The following TENM3 variants were observed in gnomAD, a reference collection of about 807,000 sequenced individuals.
The protein encoded by TENM3 is teneurin transmembrane protein 3, also known as teneurin-3.
A neutral mutation model predicts 255.1 loss-of-function variants in TENM3; 63 were observed. That is an observed-to-expected ratio of 0.25 (90% CI 0.20 to 0.30). The LOEUF (loss-of-function observed/expected upper bound fraction) is 0.30. Ranked by LOEUF, TENM3 falls within the 10% of genes least tolerant of loss-of-function variation. The pLI is 1.00. For synonymous variants in TENM3, 1,306 were observed against 1,322.3 expected, an observed-to-expected ratio of 0.99 and a Z score of 0.27; for missense variants, 2,929 against 3,461.1, an observed-to-expected ratio of 0.85 and a Z score of 3.86.
intron 5 of TENM3, among the ~76,000 whole-genome samples, chr4:182,644,347 A>G (rs1405862785): frequency 6.6e-6 from 1 of 152,160 alleles, no homozygotes; most frequent in Admixed American, 6.5e-5. Context: ...TTTTCTCTCA[A>G]CATGGAGCTA....
the TENM3 span, among the ~76,000 whole-genome samples, chr4:181,608,966 C>A: frequency 1.3e-5 from 2 of 152,202 alleles, no homozygotes; most frequent in African/African-American, 2.4e-5. Context: ...GAAAATCACA[C>A]AAGCAACTCG....
At chr4:182,565,456 A>G (rs17258176) in intron 3 of TENM3, among the ~76,000 whole-genome samples, 14,898 of 152,242 alleles carry the variant, frequency 0.098, 937 homozygotes, top group Non-Finnish European at 0.14. Flanking sequence ...AGCTATCTCA[A>G]GTCCTCCCGA....
At chr4:182,378,179 T>A (rs1767309378) in intron 3 of TENM3, among the ~76,000 whole-genome samples, 1 of 152,218 alleles carries the variant, frequency 6.6e-6, no homozygotes, top group African/African-American at 2.4e-5. Flanking sequence ...GTAAGTGTGA[T>A]TCCTATTTTA....
At chr4:182,619,609 A>C (rs139044651) in intron 4 of TENM3, among the ~76,000 whole-genome samples, 47 of 152,112 alleles carry the variant, frequency 3.1e-4, no homozygotes, top group Non-Finnish European at 5.9e-4. Context: ...TAGCATTACA[A>C]GTTAATGACG....
the TENM3 span, among the ~76,000 whole-genome samples, chr4:181,688,307 C>A: frequency 6.6e-6 from 1 of 151,840 alleles, no homozygotes; most frequent in East Asian, 1.9e-4. Flanking sequence ...AAGTCTAAGC[C>A]CTTTTTTTGA....
At chr4:181,824,829 G>A in the TENM3 span, among the ~76,000 whole-genome samples, 1 of 152,290 alleles carries the variant, frequency 6.6e-6, no homozygotes, top group African/African-American at 2.4e-5. Flanking sequence ...TCCTAGCCAT[G>A]TCCTGGTGGA....
the TENM3 span, among the ~76,000 whole-genome samples, chr4:181,477,606 G>A: frequency 6.6e-6 from 1 of 152,106 alleles, no homozygotes; most frequent in East Asian, 1.9e-4. Flanking sequence ...TGACCTGACT[G>A]TTGCTTTCAG....
At chr4:182,551,866 A>T (rs919124535) in intron 3 of TENM3, among the ~76,000 whole-genome samples, 3 of 151,866 alleles carry the variant, frequency 2.0e-5, no homozygotes, top group African/African-American at 7.3e-5. Context: ...TACAAAAAAT[A>T]ACTAGCCAGG....
rs1165827192 is a variant in TENM3, at chr4:182,730,887, G to A, written c.2715G>A (p.Leu905=). The A allele has an allele frequency of 6.2e-7, 1 of 1,613,762 alleles. No individual in the cohort carries two copies. Among genetic ancestry groups the A allele is most frequent in the Non-Finnish European group, 8.5e-7 (1 of 1,179,742 alleles). The change falls in exon 16 of 28, where the codon TTG becomes TTA. Residue 905 remains leucine, a synonymous_variant. Coordinates refer to ENST00000511685, the MANE Select transcript of TENM3 (RefSeq NM_001080477.4). ...CCTTGTTCTTTCTTAGGTTTGACTT[G>A]GTGGCAAATGGTGGGGCCTCTCTAA... ...TITRQDGMFD[L]VANGGASLTL...
the TENM3 span, among the ~76,000 whole-genome samples, chr4:181,766,663 G>A: frequency 3.6e-4 from 54 of 151,714 alleles, no homozygotes; most frequent in Admixed American, 1.2e-3. Flanking sequence ...TTCCTCAGAA[G>A]CATACTTTAA....
chr4:182,475,355 G>A (rs917634240), intron 3 of TENM3, among the ~76,000 whole-genome samples: 2 of 152,096 alleles, frequency 1.3e-5, no homozygotes, highest in African/African-American at 4.8e-5. Flanking sequence ...GTCGTGGAAT[G>A]GAGAATGGGT....
chr4:182,021,692 G>A, the TENM3 span, among the ~76,000 whole-genome samples: 1 of 151,690 alleles, frequency 6.6e-6, no homozygotes, highest in African/African-American at 2.4e-5. Flanking sequence ...TTTCATCTAA[G>A]AATGTTCTAG....
chr4:181,992,796 G>A, the TENM3 span, among the ~76,000 whole-genome samples: 3 of 152,006 alleles, frequency 2.0e-5, no homozygotes, highest in Non-Finnish European at 2.9e-5. Context: ...AAAAATAATG[G>A]GAGAAATGCA....
At chr4:182,333,951 T>G (rs1763939342) in intron 2 of TENM3, among the ~76,000 whole-genome samples, 1 of 152,190 alleles carries the variant, frequency 6.6e-6, no homozygotes. Flanking sequence ...ATGACCTGTG[T>G]GTGAATCCCA....
At chr4:182,122,848 A>G in the TENM3 span, among the ~76,000 whole-genome samples, 2 of 152,184 alleles carry the variant, frequency 1.3e-5, no homozygotes, top group East Asian at 1.9e-4. Flanking sequence ...TCATCTTCCC[A>G]TGCAAAGCTG....
chr4:182,092,730 G>T, the TENM3 span, among the ~76,000 whole-genome samples: 1 of 152,088 alleles, frequency 6.6e-6, no homozygotes, highest in Non-Finnish European at 1.5e-5. Flanking sequence ...CTGCCTGATT[G>T]GTGTTTTAGG....
chr4:181,553,707 T>C, the TENM3 span, among the ~76,000 whole-genome samples: 99 of 152,102 alleles, frequency 6.5e-4, 1 homozygote, highest in East Asian at 7.2e-3. Context: ...TCCCAAAGTG[T>C]TGGGATTACA....
chr4:181,913,030 G>A, the TENM3 span, among the ~76,000 whole-genome samples: 1 of 152,154 alleles, frequency 6.6e-6, no homozygotes, highest in East Asian at 1.9e-4. Context: ...TCACATGTTT[G>A]ATTTTAATCT....
the TENM3 span, among the ~76,000 whole-genome samples, chr4:182,019,239 A>G: frequency 1.3e-5 from 2 of 152,128 alleles, no homozygotes; most frequent in Admixed American, 6.6e-5. Context: ...GAAACCCCCA[A>G]AGTTTCCTGT....
Sources: allele counts gnomAD v4.1 joint callset (sites outside exome capture counted in the v4.1 genomes callset), GRCh38; gene constraint gnomAD v4.1.1; transcripts MANE v1.5; gene names NCBI Gene and HGNC (gene_info 2026-07-23, HGNC 2026-07-21).